Variants in IGF1R observed in about 807,000 individuals in gnomAD.
The protein encoded by IGF1R is insulin-like growth factor 1 receptor.
Under a neutral mutation model 144.6 loss-of-function variants are expected in IGF1R, and 44 were observed. The observed-to-expected ratio is 0.30, with a 90% CI of 0.24 to 0.39. The LOEUF is 0.39. IGF1R is among the 10% of genes least tolerant of loss of function. The pLI is 1.00. For synonymous variants in IGF1R, 795 were observed against 722.8 expected (o/e 1.10, Z -1.60); for missense variants, 1,355 against 1,833.7 (o/e 0.74, Z 4.77).
At chr15:98,725,802 G>A (rs1462385312) in intron 2 of IGF1R, among the ~76,000 whole-genome samples, 1 of 152,216 alleles carries the variant, frequency 6.6e-6, no homozygotes, top group Non-Finnish European at 1.5e-5. Flanking sequence ...ATGGCAGGAG[G>A]CAAAAGGTAC....
intron 2 of IGF1R, among the ~76,000 whole-genome samples, chr15:98,827,813 C>A (rs551213489): frequency 2.8e-4 from 42 of 152,230 alleles, no homozygotes; most frequent in Non-Finnish European, 4.3e-4. Context: ...AAACTCCTGA[C>A]GTCATGATCC....
At chr15:98,770,194 A>G (rs2055548789) in intron 2 of IGF1R, among the ~76,000 whole-genome samples, 1 of 152,166 alleles carries the variant, frequency 6.6e-6, no homozygotes. Flanking sequence ...GAGTGTGACC[A>G]TGGGCTGAAT....
At chr15:98,872,568 G>C (rs1470028624) in intron 2 of IGF1R, among the ~76,000 whole-genome samples, 2 of 152,192 alleles carry the variant, frequency 1.3e-5, no homozygotes, top group African/African-American at 4.8e-5. Flanking sequence ...GATCCGCCAG[G>C]AGACATACTC....
intron 1 of IGF1R, among the ~76,000 whole-genome samples, chr15:98,685,324 A>G (rs2141221423): frequency 6.6e-6 from 1 of 152,292 alleles, no homozygotes. Context: ...AAGTGGGTGG[A>G]CACGCTGGAT....
intron 1 of IGF1R, among the ~76,000 whole-genome samples, chr15:98,650,299 G>A (rs1001094944): frequency 1.3e-5 from 2 of 152,198 alleles, no homozygotes; most frequent in Admixed American, 1.3e-4. Context: ...CGGGCTCCTC[G>A]GGTTCCTGGC....
chr15:98,821,291 C>T (rs570952830), intron 2 of IGF1R, among the ~76,000 whole-genome samples: 14 of 151,580 alleles, frequency 9.2e-5, no homozygotes, highest in Admixed American at 3.3e-4. Flanking sequence ...CCTCCCCCCC[C>T]CCTTTTTAAA....
chr15:98,782,535 T>G (rs1053721324), intron 2 of IGF1R, among the ~76,000 whole-genome samples: 5 of 152,248 alleles, frequency 3.3e-5, no homozygotes, highest in Non-Finnish European at 7.3e-5. Flanking sequence ...TCTGTATCTT[T>G]TTTCAGCTTA....
intron 15 of IGF1R, among the ~76,000 whole-genome samples, chr15:98,932,217 G>T (rs2015971522): frequency 6.6e-6 from 1 of 152,168 alleles, no homozygotes; most frequent in Non-Finnish European, 1.5e-5. Context: ...TTGCCACCCA[G>T]GTCGACAGGT....
intron 2 of IGF1R, among the ~76,000 whole-genome samples, chr15:98,885,083 T>C (rs1276915113): frequency 6.6e-6 from 1 of 152,188 alleles, no homozygotes; most frequent in African/African-American, 2.4e-5. Flanking sequence ...CTTGTCCAGC[T>C]TTGGCCTGGA....
rs1469633685 is a variant in IGF1R at position 98,962,214 on chromosome 15, A to T, written c.*4772A>T. 4.3e-6 allele frequency: 1 copy of T among 232,948 alleles called. No individual in the cohort carries two copies. 14.4% of individuals were successfully genotyped at this position (232,948 alleles called of 1,614,324 possible). A position where few individuals can be genotyped will look rare whatever the true frequency, so the allele number is the denominator to read the frequency against. ...CCAGGGTGGCCAGACGGTGTTGGCCACTCCCTTCTAAAACACAGGCGCCCT... is the reference window on the plus strand; with the variant it reads ...CCAGGGTGGCCAGACGGTGTTGGCCTCTCCCTTCTAAAACACAGGCGCCCT... On this transcript the variant is annotated 3_prime_UTR_variant, in exon 21 of 21. Coordinates refer to ENST00000650285, the MANE Select transcript of IGF1R (RefSeq NM_000875.5).
chr15:98,726,548 T>C (rs919342555), intron 2 of IGF1R, among the ~76,000 whole-genome samples: 2 of 152,140 alleles, frequency 1.3e-5, no homozygotes, highest in East Asian at 1.9e-4. Flanking sequence ...GCGGAGAACA[T>C]CTATGACTCT....
chr15:98,869,505 G>A (rs926455738), intron 2 of IGF1R, among the ~76,000 whole-genome samples: 2 of 149,232 alleles, frequency 1.3e-5, no homozygotes, highest in Non-Finnish European at 2.9e-5. Flanking sequence ...CACGATCTCC[G>A]GCTCACCGCA....
intron 1 of IGF1R, among the ~76,000 whole-genome samples, chr15:98,664,132 G>A (rs1596154649): frequency 6.6e-6 from 1 of 152,178 alleles, no homozygotes; most frequent in Non-Finnish European, 1.5e-5. Context: ...CCTGCTATTA[G>A]GAGAGTGAAT....
intron 9 of IGF1R, chr15:98,916,405 GCATGCACCAC>G: frequency 1.8e-6 from 1 of 559,962 alleles, no homozygotes; most frequent in Non-Finnish European, 3.2e-6. Flanking sequence ...GGGATTACAG[GCATGCACCAC>G]CATGCCCAGC....
chr15:98,870,106 C>T (rs1330826798), intron 2 of IGF1R, among the ~76,000 whole-genome samples: 2 of 152,162 alleles, frequency 1.3e-5, no homozygotes, highest in Non-Finnish European at 2.9e-5. Context: ...GTAAAATGCA[C>T]ATAACATAAA....
chr15:98,719,841 C>T (rs772464342), intron 2 of IGF1R, among the ~76,000 whole-genome samples: 16 of 152,116 alleles, frequency 1.1e-4, no homozygotes, highest in Non-Finnish European at 1.8e-4. Flanking sequence ...ATTTGGGTAA[C>T]CCCAACTCTA....
At chr15:98,657,646 A>G (rs1221438354) in intron 1 of IGF1R, among the ~76,000 whole-genome samples, 2 of 152,240 alleles carry the variant, frequency 1.3e-5, no homozygotes, top group Non-Finnish European at 2.9e-5. Flanking sequence ...AGTTCACTGC[A>G]TATGTTAGGT....
rs537098180 is a variant in IGF1R at position 98,908,883 on chromosome 15, C to T, written c.1446C>T (p.Asn482=). The T allele has an allele frequency of 2.7e-5, 44 of 1,613,762 alleles. No individual in the cohort carries two copies. The highest frequency in any genetic ancestry group is 3.2e-5 in the Non-Finnish European group (38 of 1,179,790). ...QSKGDINTRN[N]GERASCESDV... ...AAGGGGACATAAACACCAGGAACAA[C>T]GGGGAGAGAGCCTCCTGTGAGTGAC... is the stretch of plus-strand genomic sequence containing the variant. Residue 482 remains asparagine, a synonymous_variant, in exon 6 of 21, where the codon AAC becomes AAT. Coordinates refer to ENST00000650285, the MANE Select transcript of IGF1R (RefSeq NM_000875.5).
At chr15:98,684,837 C>T (rs1596183345) in intron 1 of IGF1R, among the ~76,000 whole-genome samples, 1 of 151,380 alleles carries the variant, frequency 6.6e-6, no homozygotes, top group Admixed American at 6.6e-5. Context: ...CAAATTATTT[C>T]GTCTCCCTGA....
Sources: allele counts gnomAD v4.1 joint callset (sites outside exome capture counted in the v4.1 genomes callset), GRCh38; gene constraint gnomAD v4.1.1; transcripts MANE v1.5; gene names NCBI Gene and HGNC (gene_info 2026-07-23, HGNC 2026-07-21).